Variants in WWOX observed in about 807,000 individuals in gnomAD.
The protein encoded by WWOX is WW domain-containing oxidoreductase.
In WWOX, 69 loss-of-function variants were observed where a neutral mutation model predicts 46.2. That is an observed-to-expected ratio of 1.49 (90% confidence interval 1.23 to 1.82). WWOX has a LOEUF of 1.82. WWOX is among the 40% of genes most tolerant of loss of function. The pLI is 0.00. For missense variants in WWOX, 919 were observed against 542.6 expected, an observed-to-expected ratio of 1.69 and a Z score of -6.89; for synonymous variants, 359 against 202.6, an observed-to-expected ratio of 1.77 and a Z score of -6.56.
At chr16:78,886,487 G>A (rs748497390) in intron 8 of WWOX, among the ~76,000 whole-genome samples, 2 of 151,586 alleles carry the variant, frequency 1.3e-5, no homozygotes, top group Non-Finnish European at 2.9e-5. Flanking sequence ...GAACATCTCT[G>A]TACAAAATTC....
At chr16:78,758,559 A>T (rs977420897) in intron 8 of WWOX, among the ~76,000 whole-genome samples, 2 of 152,166 alleles carry the variant, frequency 1.3e-5, no homozygotes, top group African/African-American at 4.8e-5. Context: ...TTTCAACACA[A>T]TTCCAAGTGC....
At chr16:78,788,243 C>T (rs1029466370) in intron 8 of WWOX, among the ~76,000 whole-genome samples, 4 of 152,204 alleles carry the variant, frequency 2.6e-5, no homozygotes, top group African/African-American at 4.8e-5. Flanking sequence ...TAAACATTTA[C>T]TCCTGTGGTG....
chr16:79,085,555 A>C (rs1341604942), intron 8 of WWOX, among the ~76,000 whole-genome samples: 1 of 152,198 alleles, frequency 6.6e-6, no homozygotes, highest in South Asian at 2.1e-4. Flanking sequence ...CTGGAAATGC[A>C]ACTTTCTCAA....
intron 5 of WWOX, among the ~76,000 whole-genome samples, chr16:78,358,338 C>T (rs574245316): frequency 1.1e-3 from 172 of 152,274 alleles, no homozygotes; most frequent in African/African-American, 3.9e-3. Context: ...TCCTTGATTG[C>T]ACAGTAATAA....
intron 5 of WWOX, among the ~76,000 whole-genome samples, chr16:78,252,261 A>G (rs1199449902): frequency 6.6e-6 from 1 of 152,196 alleles, no homozygotes; most frequent in Non-Finnish European, 1.5e-5. Flanking sequence ...CTCCTGATTT[A>G]TGCTTTATTT....
intron 8 of WWOX, among the ~76,000 whole-genome samples, chr16:79,167,509 C>T (rs951485613): frequency 6.6e-6 from 1 of 152,118 alleles, no homozygotes. Context: ...CCATCATGCA[C>T]TGACCTGCAC....
At chr16:78,549,966 A>T (rs1269533497) in intron 8 of WWOX, among the ~76,000 whole-genome samples, 1 of 152,198 alleles carries the variant, frequency 6.6e-6, no homozygotes, top group Non-Finnish European at 1.5e-5. Flanking sequence ...GGAGGACTGA[A>T]AATTCCCATC....
chr16:78,491,605 G>A (rs1204016551), intron 8 of WWOX, among the ~76,000 whole-genome samples: 6 of 152,132 alleles, frequency 3.9e-5, no homozygotes, highest in African/African-American at 1.4e-4. Flanking sequence ...TGGGACTACA[G>A]TTGTGCGCTA....
rs2134996 is a variant in WWOX at position 79,017,950 on chromosome 16, A to T, written c.1057-193658A>T. On this transcript the variant is annotated intron_variant, in intron 8 of 8. Coordinates refer to ENST00000566780, the MANE Select transcript of WWOX (RefSeq NM_016373.4). Reference sequence around the variant, plus strand: ...CACATGTAAAAGTAAAAAGCAGGCGAAATAGAATAAAATACACATTTGCAC... The same window carrying T: ...CACATGTAAAAGTAAAAAGCAGGCGTAATAGAATAAAATACACATTTGCAC... 4.4e-3 allele frequency among the ~76,000 whole-genome samples: 667 copies of T among 152,344 alleles called. 3 individuals carry two copies. The highest frequency in any genetic ancestry group is 0.015 in the African/African-American group (623 of 41,574).
chr16:78,691,436 C>T (rs1259244130), intron 8 of WWOX: 1 of 613,724 alleles, frequency 1.6e-6, no homozygotes, highest in African/African-American at 1.8e-5. Context: ...GTGGTTCACA[C>T]CTGTAATCTC....
intron 8 of WWOX, among the ~76,000 whole-genome samples, chr16:78,737,199 A>C (rs7194382): frequency 0.063 from 9,534 of 151,874 alleles, 650 homozygotes; most frequent in Admixed American, 0.15. Context: ...TCCCATGTTC[A>C]AGCTATTTTC....
intron 8 of WWOX, among the ~76,000 whole-genome samples, chr16:78,988,653 T>C (rs2046827274): frequency 2.6e-5 from 4 of 152,188 alleles, no homozygotes; most frequent in Admixed American, 2.6e-4. Context: ...TGTGTTCATA[T>C]TGGTCAACTT....
At chr16:78,497,395 A>G (rs977248910) in intron 8 of WWOX, among the ~76,000 whole-genome samples, 2 of 152,238 alleles carry the variant, frequency 1.3e-5, no homozygotes, top group Admixed American at 6.5e-5. Context: ...AAGCTCCATG[A>G]CACTGGTCTG....
At chr16:78,164,073 C>T (rs1306605527) in intron 4 of WWOX, 110 bp from the exon 5 acceptor site, 6 of 1,009,704 alleles carry the variant, frequency 5.9e-6, no homozygotes, top group Middle Eastern at 2.0e-4. Flanking sequence ...CAAAATCACC[C>T]CTGGTTGAGA....
At chr16:79,017,895 A>G (rs1567488817) in intron 8 of WWOX, among the ~76,000 whole-genome samples, 1 of 152,220 alleles carries the variant, frequency 6.6e-6, no homozygotes, top group Non-Finnish European at 1.5e-5. Context: ...CATCCAGGCT[A>G]GATCCTTAAT....
intron 5 of WWOX, among the ~76,000 whole-genome samples, chr16:78,343,904 G>A (rs1047401274): frequency 8.3e-6 from 1 of 120,068 alleles, no homozygotes; most frequent in Non-Finnish European, 2.0e-5. Flanking sequence ...TGACAATGAC[G>A]ATGACCCTTG....
Position 78,172,416 on chromosome 16 carries a change from A to G in WWOX, c.516+8127A>G, listed in dbSNP as rs551978353. 2.0e-3 allele frequency among the ~76,000 whole-genome samples: 300 copies of G among 152,292 alleles called. 1 individual carries two copies. Among genetic ancestry groups the G allele is most frequent in the African/African-American group, 6.7e-3 (280 of 41,554 alleles). On this transcript the variant is annotated intron_variant, in intron 5 of 8. Coordinates refer to ENST00000566780, the MANE Select transcript of WWOX (RefSeq NM_016373.4). ...AGATAATAAATTATTCATCCCCCTC[A>G]TAGACATAATCGGTTGCTAAAATAT... is the stretch of plus-strand genomic sequence containing the variant.
intron 8 of WWOX, among the ~76,000 whole-genome samples, chr16:78,682,438 G>C (rs1025562902): frequency 6.6e-6 from 1 of 152,096 alleles, no homozygotes; most frequent in South Asian, 2.1e-4. Flanking sequence ...CCTTTAGCCG[G>C]GTCTGGTGGT....
chr16:78,275,915 G>A (rs1162278982), intron 5 of WWOX, among the ~76,000 whole-genome samples: 1 of 151,962 alleles, frequency 6.6e-6, no homozygotes, highest in Non-Finnish European at 1.5e-5. Flanking sequence ...TGCACTGGGA[G>A]GGGAGGCTGG....
Sources: gnomAD v4.1 joint callset for allele counts (sites outside exome capture counted in the v4.1 genomes callset) on GRCh38, gnomAD v4.1.1 for gene constraint, MANE v1.5 for transcripts, NCBI Gene and HGNC (gene_info 2026-07-23, HGNC 2026-07-21) for gene names.